Variants in PLAGL2 observed in about 807,000 individuals in gnomAD.
PLAGL2 encodes the protein PLAG1 like zinc finger 2.
PLAGL2 carries 7 observed loss-of-function variants against 29.0 expected under a neutral mutation model. That is an observed-to-expected ratio of 0.24 (90% confidence interval 0.14 to 0.45). The LOEUF (loss-of-function observed/expected upper bound fraction) is 0.45, where lower values mean the gene tolerates loss of function less well. PLAGL2 is among the 20% of genes least tolerant of loss of function. The pLI is 0.99. For missense variants in PLAGL2, 454 were observed against 648.2 expected (o/e 0.70, Z 3.25); for synonymous variants, 234 against 266.0 (o/e 0.88, Z 1.17).
Position 32,197,555 on chromosome 20 carries a change from A to G in PLAGL2, c.388T>C (p.Ser130Pro). The change falls in exon 3 of 3, where the codon TCT becomes CCT. Residue 130 changes from serine to proline, a missense_variant. By Grantham distance (74) the Ser-to-Pro change is moderately conservative. Transcript: ENST00000246229. The surrounding 1 kb of genome is among the most constrained non-coding windows in gnomAD (Gnocchi z 6.6). The stretch of plus-strand genomic sequence containing the variant: ...GTATTGTAATTCTTACCGCACTCAG[A>G]GCAGTGGAGGGCCTCTTTGTTAGGA... ...HDPNKEALHCSECGKNYNTKL... is the reference protein window; with the variant it reads ...HDPNKEALHCPECGKNYNTKL... 6.2e-7 allele frequency: 1 copy of G among 1,614,174 alleles called. No homozygotes were observed. Among genetic ancestry groups the G allele is most frequent in the Non-Finnish European group, 8.5e-7 (1 of 1,180,038 alleles).
intron 2 of PLAGL2, among the ~76,000 whole-genome samples, chr20:32,200,633 C>T (rs2047254639): frequency 6.6e-6 from 1 of 152,182 alleles, no homozygotes; most frequent in Admixed American, 6.5e-5. Flanking sequence ...CTCTGTCACC[C>T]AGGCTGGAGT....
intron 1 of PLAGL2, among the ~76,000 whole-genome samples, chr20:32,206,403 T>G (rs947537317): frequency 6.6e-6 from 1 of 152,072 alleles, no homozygotes; most frequent in African/African-American, 2.4e-5. Context: ...TCAGTGTAGA[T>G]GGGCCCTCTT....
In PLAGL2 at chr20:32,197,685, G is replaced by A. The variant is rs371954630; in HGVS notation, c.261-3C>T. 1 of 1,611,914 alleles carries A rather than the reference G, an allele frequency of 6.2e-7. No individual in the cohort carries two copies. The highest frequency in any genetic ancestry group is 8.5e-7 in the Non-Finnish European group (1 of 1,178,408). ...GGGCTGAGTGGGTGGCCATGTGCCTGGGGGTAGAGACAGGGGATAGGGGAG... is the reference window on the plus strand; with the variant it reads ...GGGCTGAGTGGGTGGCCATGTGCCTAGGGGTAGAGACAGGGGATAGGGGAG... On this transcript the variant is annotated splice_region_variant and splice_polypyrimidine_tract_variant and intron_variant, in intron 2 of 2. Transcript: ENST00000246229. This position sits in a 1 kb window ranked among gnomAD's most constrained non-coding sequence, Gnocchi z 6.6.
intron 2 of PLAGL2, among the ~76,000 whole-genome samples, chr20:32,199,990 T>A (rs914881373): frequency 9.8e-5 from 15 of 152,336 alleles, no homozygotes; most frequent in South Asian, 2.1e-4. Context: ...TTGCCTATTT[T>A]AGTCCCTTCC....
intron 2 of PLAGL2, among the ~76,000 whole-genome samples, chr20:32,201,325 C>T (rs548119116): frequency 1.2e-4 from 18 of 152,328 alleles, no homozygotes; most frequent in African/African-American, 4.3e-4. Context: ...TGGCTCATGC[C>T]TGTAATCTCA....
chr20:32,201,286 T>TA (rs997220541), intron 2 of PLAGL2, among the ~76,000 whole-genome samples: 15 of 151,644 alleles, frequency 9.9e-5, no homozygotes, highest in African/African-American at 1.5e-4. Context: ...AAGCAATATT[T>TA]AAAAAAAAAT....
chr20:32,205,046 T>C (rs1294394114), intron 1 of PLAGL2, among the ~76,000 whole-genome samples: 2 of 152,232 alleles, frequency 1.3e-5, no homozygotes, highest in Non-Finnish European at 2.9e-5. Context: ...TTTATTTCTC[T>C]GAACCTCAGT....
intron 2 of PLAGL2, among the ~76,000 whole-genome samples, chr20:32,201,662 GA>G (rs2047260236): frequency 6.6e-6 from 1 of 152,190 alleles, no homozygotes; most frequent in African/African-American, 2.4e-5. Context: ...GAAGGTGTAA[GA>G]AGGCCAGGTG....
rs2047230324 is a variant in PLAGL2, at chr20:32,196,699, G to C, written c.1244C>G (p.Ser415Cys). The part of the protein sequence containing the change: ...EALCAANVDF[S>C]HLLGFLPLNL... ...GAGTGGAAGAAAGCCCAGTAGGTGGGAGAAGTCCACATTAGCAGCGCAGAG... is the reference window on the plus strand; with the variant it reads ...GAGTGGAAGAAAGCCCAGTAGGTGGCAGAAGTCCACATTAGCAGCGCAGAG... Residue 415 changes from serine to cysteine, a missense_variant, in exon 3 of 3, where the codon TCC becomes TGC. Ser to Cys is a moderately radical substitution (Grantham distance 112). Transcript: ENST00000246229. 6.4e-7 allele frequency: 1 copy of C among 1,557,686 alleles called. No homozygotes were observed. The highest frequency in any genetic ancestry group is 8.7e-7 in the Non-Finnish European group (1 of 1,151,558).
intron 1 of PLAGL2, among the ~76,000 whole-genome samples, chr20:32,203,717 G>A (rs558779417): frequency 2.0e-5 from 3 of 152,306 alleles, no homozygotes; most frequent in South Asian, 2.1e-4. Flanking sequence ...CAGACTGGCC[G>A]TGAACAAGAT....
At chr20:32,199,113 T>C (rs1461934557) in intron 2 of PLAGL2, among the ~76,000 whole-genome samples, 2 of 151,398 alleles carry the variant, frequency 1.3e-5, no homozygotes, top group African/African-American at 4.9e-5. Context: ...AGGAAAGGAG[T>C]CTAAAAAAAA....
In PLAGL2 at chr20:32,197,484, G is replaced by A. The variant is rs763119089; in HGVS notation, c.459C>T (p.Ser153=). 9 of 1,613,696 alleles carry A rather than the reference G, an allele frequency of 5.6e-6. No homozygotes were observed. The highest frequency in any genetic ancestry group is 1.7e-5 in the Admixed American group (1 of 60,030). ...GGCACACCTTGCAGCTGAGGTCACCGCTGCTGGCAGCATGCATGGCCAGGT... is the reference window on the plus strand; with the variant it reads ...GGCACACCTTGCAGCTGAGGTCACCACTGCTGGCAGCATGCATGGCCAGGT... The part of the protein sequence containing the change: ...RRHLAMHAAS[S]GDLSCKVCLQ... Residue 153 remains serine, a synonymous_variant, in exon 3 of 3, where the codon AGC becomes AGT. Coordinates refer to ENST00000246229, the MANE Select transcript of PLAGL2 (RefSeq NM_002657.3). This position sits in a 1 kb window ranked among gnomAD's most constrained non-coding sequence, Gnocchi z 6.6.
chr20:32,193,126 TA>T lies in PLAGL2; in HGVS notation c.*3325del, dbSNP rs1457378841. The T allele has an allele frequency of 6.6e-6, 1 of 152,468 alleles. No homozygotes were observed. The highest frequency in any genetic ancestry group is 1.5e-5 in the Non-Finnish European group (1 of 68,022). 9.4% of individuals were successfully genotyped at this position (152,468 alleles called of 1,614,324 possible). ...TTTCTTATTACATAAATATCCTTGT[TA>T]AAAAGCAAAATATTGATCCTGTACA... is the stretch of plus-strand genomic sequence containing the variant. On this transcript the variant is annotated 3_prime_UTR_variant, in exon 3 of 3. Coordinates refer to ENST00000246229, the MANE Select transcript of PLAGL2 (RefSeq NM_002657.3).
In PLAGL2 at chr20:32,193,567, G is replaced by A. The variant is rs1339434726; in HGVS notation, c.*2885C>T. On this transcript the variant is annotated 3_prime_UTR_variant, in exon 3 of 3. Transcript: ENST00000246229. ...GGTGGGAGGGGGACAGCTCATTGCTGGCAGAGGCTGGAGGTGGCAGGGAAA... is the reference window on the plus strand; with the variant it reads ...GGTGGGAGGGGGACAGCTCATTGCTAGCAGAGGCTGGAGGTGGCAGGGAAA... 6.6e-6 allele frequency: 1 copy of A among 152,410 alleles called. No homozygotes were observed. Among genetic ancestry groups the A allele is most frequent in the Non-Finnish European group, 1.5e-5 (1 of 68,220 alleles). 9.4% of individuals were successfully genotyped at this position (152,410 alleles called of 1,614,324 possible).
Position 32,202,110 on chromosome 20 carries a change from C to G in PLAGL2, c.69G>C (p.Trp23Cys). 6.2e-7 allele frequency: 1 copy of G among 1,614,196 alleles called. No individual in the cohort carries two copies. ...QDAKQEEEVGWKLVPRPRGRE... is the reference protein window; with the variant it reads ...QDAKQEEEVGCKLVPRPRGRE... ...GGCCCCGAGGCCTGGGAACTAGTTT[C>G]CAGCCCACTTCCTCCTCCTGCTTTG... Residue 23 changes from tryptophan (W) to cysteine (C), a missense_variant, in exon 2 of 3, where the codon TGG (tryptophan) becomes TGC (cysteine). Around this residue, in one of 4 missense-constraint regions of PLAGL2, gnomAD observed 89 missense variants for 90.4 expected, o/e 0.98. Transcript: ENST00000246229.
Position 32,199,541 on chromosome 20 carries a change from A to C in PLAGL2, c.261-1859T>G, listed in dbSNP as rs569019699. ...CACTGGCAACCAGATCATCATTAAG[A>C]AAGTCTAAGAAGGCCGGGTGCAGTG... On this transcript the variant is annotated intron_variant, in intron 2 of 2. Transcript: ENST00000246229. 9.8e-5 allele frequency among the ~76,000 whole-genome samples: 15 copies of C among 152,330 alleles called. No individual in the cohort carries two copies. In the South Asian group the frequency reaches 3.1e-3, roughly 32 times the overall value.
chr20:32,201,286 TA>T (rs997220541), intron 2 of PLAGL2, among the ~76,000 whole-genome samples: 4 of 151,524 alleles, frequency 2.6e-5, no homozygotes, highest in Non-Finnish European at 5.9e-5. Context: ...AAGCAATATT[TA>T]AAAAAAAATG....
At chr20:32,203,662 G>C (rs1306283151) in intron 1 of PLAGL2, among the ~76,000 whole-genome samples, 1 of 152,210 alleles carries the variant, frequency 6.6e-6, no homozygotes, top group African/African-American at 2.4e-5. Context: ...CAGAATGCTT[G>C]CTCAGCTCAT....
At chr20:32,204,881 CAT>C (rs990014191) in intron 1 of PLAGL2, among the ~76,000 whole-genome samples, 4 of 152,226 alleles carry the variant, frequency 2.6e-5, no homozygotes, top group African/African-American at 9.6e-5. Flanking sequence ...AACCTGTTTC[CAT>C]AAAACAAACA....
Sources: gnomAD v4.1 joint callset for allele counts (sites outside exome capture counted in the v4.1 genomes callset) on GRCh38, gnomAD v4.1.1 for gene constraint, gnomAD v4.1.1 regional missense constraint, Gnocchi (gnomAD v3.1) non-coding constraint, MANE v1.5 for transcripts, NCBI Gene and HGNC (gene_info 2026-07-23, HGNC 2026-07-21) for gene names.